The following ARHGEF16 variants were observed in gnomAD, a reference collection of about 807,000 sequenced individuals.
The protein encoded by ARHGEF16 is Rho guanine nucleotide exchange factor 16.
A neutral mutation model predicts 74.1 loss-of-function variants in ARHGEF16; 59 were observed. That is an observed-to-expected ratio of 0.80 (90% CI 0.65 to 0.99). ARHGEF16 has a LOEUF of 0.99. Among genes scored for constraint, ARHGEF16 ranks in the 50% least tolerant of loss-of-function variants. The probability of loss-of-function intolerance (pLI) is 0.00; values close to 1 mark genes in which losing one functional copy is unlikely to be tolerated. For synonymous variants in ARHGEF16, 415 were observed against 412.6 expected (o/e 1.01, Z -0.07); for missense variants, 948 against 986.6 (o/e 0.96, Z 0.52).
chr1:3,473,329 C>G (rs1055999125), intron 7 of ARHGEF16, 64 bp from the exon 8 acceptor site: 14 of 1,578,734 alleles, frequency 8.9e-6, no homozygotes, highest in Non-Finnish European at 1.2e-5. Flanking sequence ...TTCTGCAGGT[C>G]CTGCCTGATT....
intron 12 of ARHGEF16, 52 bp downstream of exon 12, chr1:3,478,664 AT>A (rs1373625472): frequency 1.7e-5 from 26 of 1,538,862 alleles, no homozygotes; most frequent in Non-Finnish European, 1.9e-5. Flanking sequence ...CATTAGCTCC[AT>A]GGGGACCGGG....
intron 6 of ARHGEF16, among the ~76,000 whole-genome samples, chr1:3,471,407 G>A (rs1639718533): frequency 6.6e-6 from 1 of 152,100 alleles, no homozygotes. Flanking sequence ...CCTGTGGGGT[G>A]CCCTTGCGGA....
intron 10 of ARHGEF16, 45 bp from the exon 11 acceptor site, chr1:3,477,830 C>G (rs754462030): frequency 1.8e-5 from 29 of 1,601,652 alleles, no homozygotes; most frequent in South Asian, 1.3e-4. Context: ...TCTGTCCCCC[C>G]CAGTCCCTCG....
At chr1:3,457,727 G>A (rs1483772727) in intron 1 of ARHGEF16, among the ~76,000 whole-genome samples, 3 of 152,336 alleles carry the variant, frequency 2.0e-5, no homozygotes, top group South Asian at 2.1e-4. Context: ...CCACCTGCTT[G>A]GACCGGCCAG....
At position 3,463,293 on chromosome 1, in the gene ARHGEF16, C is replaced by T; in HGVS notation, c.209C>T (p.Pro70Leu). Residue 70 changes from proline (P) to leucine (L), a missense_variant, in exon 2 of 15, where the codon CCC becomes CTC. By Grantham distance (98) the Pro-to-Leu change is moderately conservative (BLOSUM62 -3). Transcript: ENST00000378378. ...CCCCCGGGGCACGAGGAGCCATGGC[C>T]CATCGTCCTGAGCACAGAGAGCCCG... is the stretch of plus-strand genomic sequence containing the variant. ...PRPPGHEEPW[P>L]IVLSTESPAA... 1.3e-6 allele frequency: 2 copies of T among 1,550,112 alleles called. No homozygotes were observed.
In ARHGEF16 at chr1:3,467,176, C is replaced by G; in HGVS notation, c.643C>G (p.Leu215Val). The G allele has an allele frequency of 6.4e-7, 1 of 1,550,490 alleles. No individual in the cohort carries two copies. The highest frequency in any genetic ancestry group is 8.7e-7 in the Non-Finnish European group (1 of 1,146,742). ...HKGSFKDDPQ[L>V]YQEIQERGLN... ...CCTCCTTCTCTCTCTAGACCCCCAG[C>G]TCTACCAGGAGATCCAGGAGCGGGG... Residue 215 changes from leucine to valine, a missense_variant, in exon 4 of 15, where the codon CTC (leucine) becomes GTC (valine). Transcript: ENST00000378378.
At chr1:3,469,013 G>A in intron 5 of ARHGEF16, 77 bp downstream of exon 5, 1 of 1,512,820 alleles carries the variant, frequency 6.6e-7, no homozygotes, top group Non-Finnish European at 9.0e-7. Flanking sequence ...AGCAGCCACG[G>A]TGGCACCACC....
intron 1 of ARHGEF16, among the ~76,000 whole-genome samples, chr1:3,455,132 A>G (rs1639237745): frequency 6.6e-6 from 1 of 150,754 alleles, no homozygotes; most frequent in African/African-American, 2.4e-5. Flanking sequence ...TCCTCTTCCT[A>G]AAGGAAAACT....
At chr1:3,477,823 GT>G in intron 10 of ARHGEF16, 51 bp from the exon 11 acceptor site, 1 of 1,590,120 alleles carries the variant, frequency 6.3e-7, no homozygotes, top group Non-Finnish European at 8.6e-7. Context: ...CCCCGGCTCT[GT>G]CCCCCCCAGT....
chr1:3,463,672 G>C lies in ARHGEF16; in HGVS notation c.588G>C (p.Lys196Asn). 1 of 1,413,140 alleles carries C rather than the reference G, an allele frequency of 7.1e-7. No individual in the cohort carries two copies. The highest frequency in any genetic ancestry group is 9.3e-7 in the Non-Finnish European group (1 of 1,077,674). 87.5% of individuals were successfully genotyped at this position (1,413,140 alleles called of 1,614,324 possible). A position where few individuals can be genotyped will look rare whatever the true frequency, so the allele number is the denominator to read the frequency against. ...ATACTCGGAGCCCGGCCAAAAACAA[G>C]GTAGGGGCCTGCTCGTGTGGACCGT... Reference protein sequence around the residue: ...QPHTRSPAKNKKTLGRKRGHK... With the variant: ...QPHTRSPAKNNKTLGRKRGHK... Residue 196 changes from lysine (K) to asparagine (N), a missense_variant and splice_region_variant, in exon 2 of 15, where the codon AAG becomes AAC. Lys to Asn is a moderately conservative substitution (Grantham distance 94). Coordinates refer to ENST00000378378, the MANE Select transcript of ARHGEF16 (RefSeq NM_014448.4).
At chr1:3,468,798 A>G in intron 4 of ARHGEF16, 82 bp from the exon 5 acceptor site, 2 of 1,500,080 alleles carry the variant, frequency 1.3e-6, no homozygotes, top group Non-Finnish European at 1.8e-6. Flanking sequence ...GCCCTGGTCC[A>G]TCAGGAGGAG....
At chr1:3,459,611 A>C (rs1310835589) in intron 1 of ARHGEF16, among the ~76,000 whole-genome samples, 4 of 151,962 alleles carry the variant, frequency 2.6e-5, no homozygotes. Flanking sequence ...CCCTCTGGAG[A>C]GGGAGGACGG....
Position 3,473,193 on chromosome 1 carries a change from A to G in ARHGEF16, c.1138A>G (p.Asn380Asp), listed in dbSNP as rs41315284. ...CCACCCCTACATCGCCTACTGCTCC[A>G]ACGAGGTCTACCAACAGCGCACGCT... ...HFHPYIAYCS[N>D]EVYQQRTLQK... is the part of the protein sequence containing the mutation. The change falls in exon 7 of 15, where the codon AAC (asparagine) becomes GAC (aspartate). Residue 380 changes from asparagine to aspartate, a missense_variant. Transcript: ENST00000378378. 5.0e-3 allele frequency: 8,070 copies of G among 1,613,220 alleles called. 23 individuals carry two copies. The highest frequency in any genetic ancestry group is 5.4e-3 in the Non-Finnish European group (6,330 of 1,179,900).
At chr1:3,470,119 G>T (rs1175857319) in intron 6 of ARHGEF16, among the ~76,000 whole-genome samples, 1 of 151,614 alleles carries the variant, frequency 6.6e-6, no homozygotes, top group Non-Finnish European at 1.5e-5. Context: ...GTGTGCGTGG[G>T]TGTGTGTGTG....
At chr1:3,475,897 C>T in intron 9 of ARHGEF16, 73 bp from the exon 10 acceptor site, 1 of 1,445,956 alleles carries the variant, frequency 6.9e-7, no homozygotes, top group Non-Finnish European at 9.3e-7. Context: ...GTGTCCTGGG[C>T]ACACTGTGGG....
chr1:3,473,581 G>A, intron 8 of ARHGEF16, 59 bp downstream of exon 8: 1 of 1,598,212 alleles, frequency 6.3e-7, no homozygotes, highest in Non-Finnish European at 8.5e-7. Context: ...CACGGCCAGA[G>A]CCCTGCCCCG....
Position 3,478,448 on chromosome 1 carries a change from C to G in ARHGEF16, c.1650C>G (p.Asp550Glu). Residue 550 changes from aspartate (D) to glutamate (E), a missense_variant, in exon 12 of 15, where the codon GAC (aspartate) becomes GAG (glutamate). By Grantham distance (45) the Asp-to-Glu change is conservative (BLOSUM62 2). Coordinates refer to ENST00000378378, the MANE Select transcript of ARHGEF16 (RefSeq NM_014448.4). Reference sequence around the variant, plus strand: ...GCGAGGAGAGCTACATGGTCCAGGACTACGCCCAGATGAACCACATCCAGG... The same window carrying G: ...GCGAGGAGAGCTACATGGTCCAGGAGTACGCCCAGATGAACCACATCCAGG... ...KKSEESYMVQ[D>E]YAQMNHIQVE... is the part of the protein sequence containing the mutation. 1.2e-6 allele frequency: 2 copies of G among 1,610,794 alleles called. No homozygotes were observed. The highest frequency in any genetic ancestry group is 2.2e-5 in the South Asian group (2 of 90,744).
intron 2 of ARHGEF16, 48 bp downstream of exon 2, chr1:3,463,720 G>T: frequency 7.5e-7 from 1 of 1,340,190 alleles, no homozygotes; most frequent in Non-Finnish European, 9.7e-7. Flanking sequence ...GCTAGGCAGA[G>T]GGGCGGCCTG....
intron 6 of ARHGEF16, chr1:3,472,847 T>A (rs1410131501): frequency 1.8e-6 from 1 of 548,676 alleles, no homozygotes. Context: ...CAGGGGGCTC[T>A]GTAAGGAGCC....
Sources: gnomAD v4.1 joint callset for allele counts (sites outside exome capture counted in the v4.1 genomes callset) on GRCh38, gnomAD v4.1.1 for gene constraint, MANE v1.5 for transcripts, NCBI Gene and HGNC (gene_info 2026-07-23, HGNC 2026-07-21) for gene names.